The following HOOK3 variants were observed in gnomAD, a reference collection of about 807,000 sequenced individuals.
HOOK3 encodes the protein protein Hook homolog 3.
A neutral mutation model predicts 116.3 loss-of-function variants in HOOK3; 24 were observed. The ratio of observed to expected loss-of-function variants is 0.21; its 90% CI spans 0.15 to 0.29. The LOEUF is 0.29. Among genes scored for constraint, HOOK3 ranks in the 10% least tolerant of loss-of-function variants. HOOK3 has a pLI of 1.00. For missense variants in HOOK3, 632 were observed against 830.2 expected, an observed-to-expected ratio of 0.76 and a Z score of 2.93; for synonymous variants, 275 against 283.0, an observed-to-expected ratio of 0.97 and a Z score of 0.28.
At chr8:42,914,686 A>G (rs1049349452) in intron 2 of HOOK3, among the ~76,000 whole-genome samples, 9 of 152,176 alleles carry the variant, frequency 5.9e-5, no homozygotes, top group Non-Finnish European at 1.2e-4. Context: ...TTGTTTGACA[A>G]TACCACAACT....
In HOOK3 at chr8:42,964,304, C is replaced by G; in HGVS notation, c.616-7C>G. ...GAAATAACTGCCGTCGTCCTATATT[C>G]CAACAGGTTGCAGCATTGCAGGAAG... On this transcript the variant is annotated splice_region_variant and splice_polypyrimidine_tract_variant and intron_variant, in intron 8 of 21. Coordinates refer to ENST00000307602, the MANE Select transcript of HOOK3 (RefSeq NM_032410.4). The G allele has an allele frequency of 6.2e-7, 1 of 1,613,838 alleles. No individual in the cohort carries two copies. The highest frequency in any genetic ancestry group is 8.5e-7 in the Non-Finnish European group (1 of 1,179,826).
Position 42,930,167 on chromosome 8 carries a change from C to G in HOOK3, c.262C>G (p.His88Asp). 6.5e-7 allele frequency: 1 copy of G among 1,540,798 alleles called. No individual in the cohort carries two copies. Among genetic ancestry groups the G allele is most frequent in the South Asian group, 1.3e-5 (1 of 79,402 alleles). Reference protein sequence around the residue: ...KILKGILDYNHEILGQQINDF... With the variant: ...KILKGILDYNDEILGQQINDF... ...TTTAAAAGGAATCTTGGATTATAAT[C>G]ATGAGGTAAAGACTTTTTTCTCATT... Residue 88 changes from histidine to aspartate, a missense_variant, in exon 4 of 22, where the codon CAT (histidine) becomes GAT (aspartate). By Grantham distance (81) the His-to-Asp change is moderately conservative. Transcript: ENST00000307602.
chr8:42,939,233 T>TA (rs1214240629), intron 4 of HOOK3, among the ~76,000 whole-genome samples: 1 of 152,146 alleles, frequency 6.6e-6, no homozygotes, highest in Non-Finnish European at 1.5e-5. Flanking sequence ...AGCTATTGGG[T>TA]ACACCTCCCA....
At chr8:42,904,413 G>T (rs941142062) in intron 1 of HOOK3, among the ~76,000 whole-genome samples, 7 of 151,062 alleles carry the variant, frequency 4.6e-5, no homozygotes, top group Non-Finnish European at 8.8e-5. Flanking sequence ...GGGTTCAAGC[G>T]ATTCTCCTGC....
At chr8:42,947,668 G>A (rs1244760794) in intron 5 of HOOK3, among the ~76,000 whole-genome samples, 1 of 152,188 alleles carries the variant, frequency 6.6e-6, no homozygotes, top group East Asian at 1.9e-4. Context: ...TCAAGTACAT[G>A]AGTGTCTGAG....
At position 43,013,360 on chromosome 8, in the gene HOOK3, A is replaced by C; in HGVS notation, c.1976A>C (p.Glu659Ala). 6.3e-7 allele frequency: 1 copy of C among 1,583,078 alleles called. No individual in the cohort carries two copies. The highest frequency in any genetic ancestry group is 8.6e-7 in the Non-Finnish European group (1 of 1,168,508). Reference sequence around the variant, plus strand: ...TATGAGAAAACAAAGAGTCAGAGAGAGATGGAAGAGAAATATATTGTTAGT... The same window carrying C: ...TATGAGAAAACAAAGAGTCAGAGAGCGATGGAAGAGAAATATATTGTTAGT... ...KEYEKTKSQR[E>A]MEEKYIVSAW... The change falls in exon 21 of 22, where the codon GAG becomes GCG. Residue 659 changes from glutamate (E) to alanine (A), a missense_variant. Around this residue, in one of 3 missense-constraint regions of HOOK3, gnomAD observed 483 missense variants for 648.1 expected, o/e 0.75. Transcript: ENST00000307602.
rs1191317021 is a variant in HOOK3 at position 43,019,493 on chromosome 8, A to C, written c.*995A>C. The C allele has an allele frequency of 1.5e-5, 3 of 206,158 alleles. No individual in the cohort carries two copies. Among genetic ancestry groups the C allele is most frequent in the Non-Finnish European group, 3.0e-5 (3 of 101,168 alleles). The allele number at this position is 206,158 out of a possible 1,614,324, so 12.8% of individuals were successfully genotyped here. A position where few individuals can be genotyped will look rare whatever the true frequency, so the allele number is the denominator to read the frequency against. ...AACAATTCCTAACACTTGATATCTT[A>C]ATATCAGTCACTAACATTAGTAACT... On this transcript the variant is annotated 3_prime_UTR_variant, in exon 22 of 22. Coordinates refer to ENST00000307602, the MANE Select transcript of HOOK3 (RefSeq NM_032410.4).
chr8:42,949,433 C>A (rs1468194173), intron 5 of HOOK3: 1 of 152,142 alleles, frequency 6.6e-6, no homozygotes, highest in Non-Finnish European at 1.5e-5. Flanking sequence ...AGTAGTAGAA[C>A]AAGGAGTTCC....
Position 43,007,016 on chromosome 8 carries a change from A to ATTTT in HOOK3, c.1656-806_1656-803dup, listed in dbSNP as rs58609523. 1.4e-3 allele frequency among the ~76,000 whole-genome samples: 149 copies of ATTTT among 103,276 alleles called. 16 individuals carry two copies. The highest frequency in any genetic ancestry group is 5.3e-3 in the African/African-American group (124 of 23,340). The allele number at this position is 103,276 out of a possible 152,430, so 67.8% of individuals were successfully genotyped here. ...TAAAGTACACGTCTTAAGTTCCTAG[A>ATTTT]TTTTTTTTTTTTTTTTTTTTTTTTT... On this transcript the variant is annotated intron_variant, in intron 17 of 21. Transcript: ENST00000307602.
intron 5 of HOOK3, among the ~76,000 whole-genome samples, chr8:42,943,647 T>A (rs550562780): frequency 6.6e-6 from 1 of 152,306 alleles, no homozygotes; most frequent in East Asian, 1.9e-4. Context: ...TTGACTGGGG[T>A]GATATTTTTT....
At chr8:42,940,541 G>C (rs370299457) in intron 4 of HOOK3, among the ~76,000 whole-genome samples, 1 of 152,160 alleles carries the variant, frequency 6.6e-6, no homozygotes, top group South Asian at 2.1e-4. Context: ...GAGGGAGAGC[G>C]AAAATGCTTT....
intron 11 of HOOK3, among the ~76,000 whole-genome samples, chr8:42,972,790 C>T (rs1364235591): frequency 3.3e-5 from 5 of 152,256 alleles, no homozygotes; most frequent in African/African-American, 7.2e-5. Context: ...TGCTGATTTG[C>T]TACCTTTTAG....
At chr8:42,905,805 G>A (rs1469836346) in intron 1 of HOOK3, among the ~76,000 whole-genome samples, 1 of 149,712 alleles carries the variant, frequency 6.7e-6, no homozygotes, top group East Asian at 1.9e-4. Context: ...GAAATTTTCA[G>A]CCAGGTGCGG....
At chr8:42,900,347 T>C (rs1286904601) in intron 1 of HOOK3, among the ~76,000 whole-genome samples, 1 of 152,202 alleles carries the variant, frequency 6.6e-6, no homozygotes, top group African/African-American at 2.4e-5. Context: ...GATGAAAAGA[T>C]AGCACTTTTC....
Position 42,897,106 on chromosome 8 carries a change from G to A in HOOK3, c.-26G>A, listed in dbSNP as rs1586577818. ...GGCGGCGGTGTCTGGCCAGGCGGTA[G>A]GCGCTGCCTGGCCGCGGCGGGGAAG... On this transcript the variant is annotated 5_prime_UTR_variant, in exon 1 of 22. Coordinates refer to ENST00000307602, the MANE Select transcript of HOOK3 (RefSeq NM_032410.4). 2 of 1,241,322 alleles carry A rather than the reference G, an allele frequency of 1.6e-6. No individual in the cohort carries two copies. Among genetic ancestry groups the A allele is most frequent in the African/African-American group, 1.6e-5 (1 of 64,436 alleles). 76.9% of individuals were successfully genotyped at this position (1,241,322 alleles called of 1,614,324 possible). A position where few individuals can be genotyped will look rare whatever the true frequency, so the allele number is the denominator to read the frequency against.
chr8:42,914,588 C>T (rs1397932128), intron 2 of HOOK3, among the ~76,000 whole-genome samples: 1 of 152,128 alleles, frequency 6.6e-6, no homozygotes, highest in Non-Finnish European at 1.5e-5. Flanking sequence ...TGTCTCTTTC[C>T]TCTTAGTCAG....
chr8:42,908,122 GA>G (rs1807350010), intron 2 of HOOK3, among the ~76,000 whole-genome samples: 1 of 152,160 alleles, frequency 6.6e-6, no homozygotes, highest in Non-Finnish European at 1.5e-5. Flanking sequence ...CCAACAAGGT[GA>G]AAGAGCCATA....
At chr8:42,927,556 G>A (rs183390397) in intron 3 of HOOK3, among the ~76,000 whole-genome samples, 1 of 151,844 alleles carries the variant, frequency 6.6e-6, no homozygotes, top group African/African-American at 2.4e-5. Flanking sequence ...GTGCCCGGCC[G>A]GCCCTGTTTT....
At chr8:42,932,412 A>G (rs554012969) in intron 4 of HOOK3, among the ~76,000 whole-genome samples, 2 of 152,306 alleles carry the variant, frequency 1.3e-5, no homozygotes, top group South Asian at 4.2e-4. Flanking sequence ...GGCATTGAAG[A>G]TAGTGATGCT....
Sources: allele counts gnomAD v4.1 joint callset (sites outside exome capture counted in the v4.1 genomes callset), GRCh38; gene constraint gnomAD v4.1.1; regional missense constraint gnomAD v4.1.1; transcripts MANE v1.5; gene names NCBI Gene and HGNC (gene_info 2026-07-23, HGNC 2026-07-21).